GPRIN3: variants seen among roughly 807,000 people sequenced by gnomAD.
GPRIN3 encodes GPRIN family member 3, also known as G protein-regulated inducer of neurite outgrowth 3.
GPRIN3 carries 12 observed loss-of-function variants against 13.7 expected under a neutral mutation model. That is an observed-to-expected ratio of 0.87 (90% CI 0.56 to 1.42). GPRIN3 has a LOEUF of 1.42. GPRIN3 is among the 40% of genes most tolerant of loss of function. The pLI is 0.00. For synonymous variants in GPRIN3, 377 were observed against 372.7 expected (o/e 1.01, Z -0.13); for missense variants, 1,009 against 958.7 (o/e 1.05, Z -0.69).
chr4:89,281,366 C>T (rs957968372), intron 1 of GPRIN3, among the ~76,000 whole-genome samples: 4 of 152,170 alleles, frequency 2.6e-5, no homozygotes, highest in African/African-American at 7.2e-5. Context: ...TCGTGATCTG[C>T]CCACCTCGGC....
chr4:89,271,813 C>T (rs77760467), intron 1 of GPRIN3, among the ~76,000 whole-genome samples: 1,621 of 152,222 alleles, frequency 0.011, 37 homozygotes, highest in African/African-American at 0.037. Flanking sequence ...ATCATCAGAA[C>T]TTGCTCTCTG....
chr4:89,251,094 G>A (rs966701141), intron 1 of GPRIN3: 3 of 152,010 alleles, frequency 2.0e-5, no homozygotes, highest in African/African-American at 7.2e-5. Context: ...CTATAATATA[G>A]CAGGAGCTCT....
At chr4:89,295,774 T>C (rs1468201412) in intron 1 of GPRIN3, among the ~76,000 whole-genome samples, 1 of 152,140 alleles carries the variant, frequency 6.6e-6, no homozygotes, top group East Asian at 1.9e-4. Context: ...ATGTTCCACT[T>C]TCAGGGACTG....
intron 1 of GPRIN3, among the ~76,000 whole-genome samples, chr4:89,283,732 G>T (rs1481659677): frequency 2.0e-5 from 3 of 152,150 alleles, no homozygotes; most frequent in Admixed American, 2.0e-4. Context: ...CTTCACCAGT[G>T]GGGAGGAAAG....
intron 1 of GPRIN3, among the ~76,000 whole-genome samples, chr4:89,296,663 G>T (rs1187203848): frequency 6.6e-6 from 1 of 152,322 alleles, no homozygotes; most frequent in Non-Finnish European, 1.5e-5. Context: ...GTGTGTGTGT[G>T]TGTGCATATG....
intron 1 of GPRIN3, among the ~76,000 whole-genome samples, chr4:89,252,791 T>C (rs1181283472): frequency 6.6e-6 from 1 of 152,154 alleles, no homozygotes; most frequent in Non-Finnish European, 1.5e-5. Flanking sequence ...TAGGTTTCTA[T>C]TCTATTTCTT....
At chr4:89,259,618 TA>T (rs1393026630) in intron 1 of GPRIN3, among the ~76,000 whole-genome samples, 1 of 152,234 alleles carries the variant, frequency 6.6e-6, no homozygotes, top group African/African-American at 2.4e-5. Flanking sequence ...CACTCAGCCT[TA>T]CAAACAAGTA....
At chr4:89,298,824 T>A (rs1348758575) in intron 1 of GPRIN3, among the ~76,000 whole-genome samples, 3 of 152,046 alleles carry the variant, frequency 2.0e-5, no homozygotes, top group Non-Finnish European at 4.4e-5. Context: ...GAGGAAAGCT[T>A]TGATTCAATT....
intron 1 of GPRIN3, among the ~76,000 whole-genome samples, chr4:89,270,946 C>CA (rs1168542526): frequency 1.3e-5 from 2 of 152,040 alleles, no homozygotes; most frequent in Non-Finnish European, 2.9e-5. Context: ...TCATAGGCTA[C>CA]AATGCTCAGG....
At chr4:89,294,784 T>C (rs1181387175) in intron 1 of GPRIN3, among the ~76,000 whole-genome samples, 2 of 152,188 alleles carry the variant, frequency 1.3e-5, no homozygotes, top group African/African-American at 2.4e-5. Context: ...CAAAATCTTA[T>C]GAATTACTGG....
Position 89,239,163 on chromosome 4 carries a change from T to C in GPRIN3, c.*8617A>G, listed in dbSNP as rs191015510. The C allele has an allele frequency of 2.0e-5, 3 of 152,280 alleles. No individual in the cohort carries two copies. The allele number at this position is 152,280 out of a possible 1,614,324, so 9.4% of individuals were successfully genotyped here. On this transcript the variant is annotated 3_prime_UTR_variant, in exon 2 of 2. Coordinates refer to ENST00000609438, the MANE Select transcript of GPRIN3 (RefSeq NM_198281.3). ...ATAATGTAGACATTATAAAAAAACA[T>C]AACTTTGGATTTTAATATTAATACA...
rs1211068475 is a variant in GPRIN3, at chr4:89,241,602, C to A, written c.*6178G>T. 1.3e-5 allele frequency: 2 copies of A among 152,104 alleles called. No individual in the cohort carries two copies. Among genetic ancestry groups the A allele is most frequent in the Non-Finnish European group, 2.9e-5 (2 of 67,994 alleles). The allele number at this position is 152,104 out of a possible 1,614,324, so 9.4% of individuals were successfully genotyped here. A position where few individuals can be genotyped will look rare whatever the true frequency, so the allele number is the denominator to read the frequency against. On this transcript the variant is annotated 3_prime_UTR_variant, in exon 2 of 2. Coordinates refer to ENST00000609438, the MANE Select transcript of GPRIN3 (RefSeq NM_198281.3). ...AAGGTATCTCCAGGGGCCCTTAAAA[C>A]AAGAATTAGTCTTTCCTCTCCTCTA...
chr4:89,261,075 CTTAAA>C (rs1442686740), intron 1 of GPRIN3, among the ~76,000 whole-genome samples: 1 of 152,032 alleles, frequency 6.6e-6, no homozygotes, highest in Non-Finnish European at 1.5e-5. Context: ...CAGCACAGAT[CTTAAA>C]TTAGAGTGGA....
At chr4:89,304,110 C>T (rs1269669441) in intron 1 of GPRIN3, among the ~76,000 whole-genome samples, 2 of 152,200 alleles carry the variant, frequency 1.3e-5, no homozygotes, top group African/African-American at 4.8e-5. Context: ...CCCCCTCCTC[C>T]TTGAAGCCTT....
intron 1 of GPRIN3, among the ~76,000 whole-genome samples, chr4:89,257,887 T>G (rs1723515793): frequency 6.6e-6 from 1 of 152,102 alleles, no homozygotes; most frequent in African/African-American, 2.4e-5. Context: ...TCATAATGAT[T>G]AATCCAGTTT....
At chr4:89,296,871 T>A (rs1166343521) in intron 1 of GPRIN3, among the ~76,000 whole-genome samples, 1 of 152,264 alleles carries the variant, frequency 6.6e-6, no homozygotes, top group East Asian at 1.9e-4. Flanking sequence ...ACCCTGTGTT[T>A]TTTTAAATGT....
At chr4:89,280,312 C>T (rs1181607221) in intron 1 of GPRIN3, among the ~76,000 whole-genome samples, 2 of 152,114 alleles carry the variant, frequency 1.3e-5, no homozygotes, top group East Asian at 3.8e-4. Context: ...TAAATTGCTG[C>T]CGGAGAAATT....
rs537807455 is a variant in GPRIN3, at chr4:89,242,243, T to C, written c.*5537A>G. 6.6e-6 allele frequency: 1 copy of C among 152,324 alleles called. No individual in the cohort carries two copies. The highest frequency in any genetic ancestry group is 1.9e-4 in the East Asian group (1 of 5,182). The allele number at this position is 152,324 out of a possible 1,614,324, so 9.4% of individuals were successfully genotyped here. ...CATTTAGAAGTGCCCATCTGGAGCATCGTTTTCTGTAAGGCATCATTTGAA... is the reference window on the plus strand; with the variant it reads ...CATTTAGAAGTGCCCATCTGGAGCACCGTTTTCTGTAAGGCATCATTTGAA... On this transcript the variant is annotated 3_prime_UTR_variant, in exon 2 of 2. Transcript: ENST00000609438.
intron 1 of GPRIN3, among the ~76,000 whole-genome samples, chr4:89,252,816 T>C (rs1054273676): frequency 1.3e-5 from 2 of 152,142 alleles, no homozygotes; most frequent in African/African-American, 4.8e-5. Context: ...ACCCCAGTAT[T>C]CTGTTGCAAA....
Sources: gnomAD v4.1 joint callset for allele counts (sites outside exome capture counted in the v4.1 genomes callset) on GRCh38, gnomAD v4.1.1 for gene constraint, MANE v1.5 for transcripts, NCBI Gene and HGNC (gene_info 2026-07-23, HGNC 2026-07-21) for gene names.